The following NAV2 variants were observed in gnomAD, a reference collection of about 807,000 sequenced individuals.
NAV2 encodes helicase, APC down-regulated 1.
NAV2 carries 54 observed loss-of-function variants against 223.2 expected under a neutral mutation model. That is an observed-to-expected ratio of 0.24 (90% CI 0.19 to 0.30). The LOEUF is 0.30. Among genes scored for constraint, NAV2 ranks in the 10% least tolerant of loss-of-function variants. The pLI is 1.00. For synonymous variants in NAV2, 1,279 were observed against 1,239.3 expected (o/e 1.03, Z -0.67); for missense variants, 2,806 against 3,147.5 (o/e 0.89, Z 2.60).
intron 11 of NAV2, among the ~76,000 whole-genome samples, chr11:20,016,824 T>G (rs2054044001): frequency 8.7e-6 from 1 of 115,004 alleles, no homozygotes; most frequent in Admixed American, 1.0e-4. Flanking sequence ...GGCAAAACCC[T>G]GTCTACTAAA....
intron 11 of NAV2, among the ~76,000 whole-genome samples, chr11:20,031,731 G>A (rs111571621): frequency 3.9e-5 from 5 of 129,718 alleles, no homozygotes; most frequent in Admixed American, 7.3e-5. Context: ...CTTCATTTTC[G>A]CTTTGTGTGT....
chr11:19,475,695 T>C (rs1297691519), intron 1 of NAV2, among the ~76,000 whole-genome samples: 2 of 152,172 alleles, frequency 1.3e-5, no homozygotes, highest in Non-Finnish European at 2.9e-5. Flanking sequence ...AGAGAGTGCC[T>C]AGTGCTTGGC....
intron 1 of NAV2, among the ~76,000 whole-genome samples, chr11:19,565,077 G>C (rs192196649): frequency 1.3e-5 from 2 of 152,098 alleles, no homozygotes; most frequent in East Asian, 3.9e-4. Context: ...AGATGTTGCA[G>C]TGAGCCGAGA....
At chr11:19,445,684 C>A (rs1470823492) in intron 1 of NAV2, among the ~76,000 whole-genome samples, 1 of 151,884 alleles carries the variant, frequency 6.6e-6, no homozygotes, top group African/African-American at 2.4e-5. Context: ...TGATACTTGC[C>A]CATTTCCACT....
Position 19,545,522 on chromosome 11 carries a change from G to T in NAV2, c.75+194495G>T, listed in dbSNP as rs372238273. Among the ~76,000 whole-genome samples, 3 of 152,166 alleles carry T rather than the reference G, an allele frequency of 2.0e-5. No homozygotes were observed. In the East Asian group the frequency reaches 5.8e-4, roughly 29 times the overall value. On this transcript the variant is annotated intron_variant, in intron 1 of 37. Coordinates refer to the NAV2 transcript ENST00000360655. ...CTCATTCACTTAAAGGGCTGGCATG[G>T]CGCAAATGGGAGTCAGTTTCTCATC... is the stretch of plus-strand genomic sequence containing the variant.
intron 1 of NAV2, among the ~76,000 whole-genome samples, chr11:19,611,567 A>G (rs948534359): frequency 6.6e-6 from 1 of 152,198 alleles, no homozygotes; most frequent in Non-Finnish European, 1.5e-5. Flanking sequence ...AAATTGGCCA[A>G]AATTAAGGGG....
chr11:20,061,959 C>T (rs965601327), intron 19 of NAV2, among the ~76,000 whole-genome samples: 10 of 152,154 alleles, frequency 6.6e-5, no homozygotes, highest in Admixed American at 4.6e-4. Flanking sequence ...AGGTTGCCTC[C>T]GGGCAATGCA....
intron 4 of NAV2, among the ~76,000 whole-genome samples, chr11:19,875,547 T>C (rs73437628): frequency 0.072 from 10,932 of 152,246 alleles, 699 homozygotes; most frequent in African/African-American, 0.17. Flanking sequence ...ACCATCTGTA[T>C]TGCATGATTC....
Position 19,777,716 on chromosome 11 carries a change from G to GT in NAV2, c.268-54767dup, listed in dbSNP as rs1422952460. 9.8e-6 allele frequency: 4 copies of GT among 406,846 alleles called. No homozygotes were observed. The East Asian group carries it at 2.2e-4, about 22-fold the overall frequency. The allele number at this position is 406,846 out of a possible 1,614,324, so 25.2% of individuals were successfully genotyped here. On this transcript the variant is annotated intron_variant, in intron 1 of 37. Transcript: ENST00000349880. The stretch of plus-strand genomic sequence containing the variant: ...GTTTAAACCAGGAAAGTCGATGTGT[G>GT]TATGTCTCTGGTTGTGAGTCATTGA...
At chr11:20,018,392 T>C (rs572438852) in intron 11 of NAV2, among the ~76,000 whole-genome samples, 1 of 149,896 alleles carries the variant, frequency 6.7e-6, no homozygotes, top group Non-Finnish European at 1.5e-5. Flanking sequence ...TAAAGTGGTA[T>C]TACAAAACTC....
At chr11:19,648,426 T>C (rs1174379130) in intron 1 of NAV2, among the ~76,000 whole-genome samples, 1 of 152,238 alleles carries the variant, frequency 6.6e-6, no homozygotes, top group Non-Finnish European at 1.5e-5. Context: ...GTTTTATTTT[T>C]CCTAGAGAGC....
chr11:20,062,920 C>G (rs547977125), intron 20 of NAV2, among the ~76,000 whole-genome samples: 1 of 152,174 alleles, frequency 6.6e-6, no homozygotes, highest in Non-Finnish European at 1.5e-5. Flanking sequence ...GTCTCAAACT[C>G]CTGACCTTGT....
chr11:19,518,853 GCCT>G (rs1218742200), intron 1 of NAV2, among the ~76,000 whole-genome samples: 1 of 152,130 alleles, frequency 6.6e-6, no homozygotes, highest in Non-Finnish European at 1.5e-5. Context: ...AGGAGGCGGG[GCCT>G]TTGAGAGGTA....
At chr11:19,956,184 G>A (rs1324214563) in intron 10 of NAV2, among the ~76,000 whole-genome samples, 1 of 151,928 alleles carries the variant, frequency 6.6e-6, no homozygotes, top group Admixed American at 6.6e-5. Flanking sequence ...TGAATGGAAA[G>A]TCTCTCTTCC....
Position 19,943,085 on chromosome 11 carries a change from G to A in NAV2, c.2146+3312G>A, listed in dbSNP as rs901538085. On this transcript the variant is annotated intron_variant, in intron 8 of 37. Transcript: ENST00000349880. Reference sequence around the variant, plus strand: ...TAAATATGGCTATTATATTTTGTGCGTGTGGTTAAGGTAATTAGTTGAGGT... The same window carrying A: ...TAAATATGGCTATTATATTTTGTGCATGTGGTTAAGGTAATTAGTTGAGGT... Among the ~76,000 whole-genome samples the A allele has an allele frequency of 1.1e-4, 17 of 152,194 alleles. No individual in the cohort carries two copies. In the East Asian group the frequency reaches 1.3e-3, roughly 12 times the overall value.
intron 11 of NAV2, among the ~76,000 whole-genome samples, chr11:20,021,239 T>G (rs1317975421): frequency 6.6e-6 from 1 of 152,220 alleles, no homozygotes; most frequent in Non-Finnish European, 1.5e-5. Context: ...GTTGAGATTT[T>G]TGGTCTATTT....
At position 20,116,410 on chromosome 11, in the gene NAV2, T is replaced by G. The variant is rs114486896; in HGVS notation, c.7164+1615T>G. On this transcript the variant is annotated intron_variant, in intron 37 of 37. Transcript: ENST00000349880. ...TTGTGTTGCCATGTACAACCTAGTT[T>G]GCAATATTTATAACAGTAGTCTTAC... Among the ~76,000 whole-genome samples, 1,521 of 152,362 alleles carry G rather than the reference T, an allele frequency of 1.0e-2. 28 individuals carry two copies. The highest frequency in any genetic ancestry group is 0.042 in the East Asian group (218 of 5,188).
intron 1 of NAV2, among the ~76,000 whole-genome samples, chr11:19,764,800 G>A (rs1023082999): frequency 6.6e-6 from 1 of 152,194 alleles, no homozygotes; most frequent in Admixed American, 6.5e-5. Context: ...GGTTTCTCAA[G>A]TTCATCTCAC....
intron 3 of NAV2, 99 bp downstream of exon 3, chr11:19,843,022 C>A: frequency 1.0e-6 from 1 of 959,504 alleles, no homozygotes; most frequent in Non-Finnish European, 1.7e-6. Flanking sequence ...AGATGCTTTA[C>A]TCCAGGGGAT....
Sources: allele counts gnomAD v4.1 joint callset (sites outside exome capture counted in the v4.1 genomes callset), GRCh38; gene constraint gnomAD v4.1.1; transcripts MANE v1.5; gene names NCBI Gene and HGNC (gene_info 2026-07-23, HGNC 2026-07-21).